GALNT10: variants seen among roughly 807,000 people sequenced by gnomAD.
GALNT10 encodes the protein GalNAc transferase 10.
GALNT10 carries 41 observed loss-of-function variants against 75.0 expected under a neutral mutation model. The ratio of observed to expected loss-of-function variants is 0.55; its 90% CI spans 0.43 to 0.71. The LOEUF is 0.71. Ranked by LOEUF, GALNT10 falls within the 30% of genes least tolerant of loss-of-function variation. GALNT10 has a pLI of 0.00. For synonymous variants in GALNT10, 302 were observed against 313.0 expected (o/e 0.96, Z 0.37); for missense variants, 727 against 818.5 (o/e 0.89, Z 1.36).
At position 154,212,860 on chromosome 5, in the gene GALNT10, C is replaced by T. The variant is rs564751752; in HGVS notation, c.159+21835C>T. ...ACAGGTGCCTGTAGTCCCAGCTACT[C>T]GGGAGGCTAAGGCAGGGGAATGGCG... On this transcript the variant is annotated intron_variant, in intron 1 of 11. Coordinates refer to ENST00000297107, the MANE Select transcript of GALNT10 (RefSeq NM_198321.4). Among the ~76,000 whole-genome samples the T allele has an allele frequency of 3.3e-5, 5 of 151,908 alleles. No homozygotes were observed. The South Asian group carries it at 8.3e-4, about 25-fold the overall frequency.
chr5:154,330,908 G>GGTGTGTGTGTGTGTGTGTGTGTGT (rs370103391), intron 4 of GALNT10, among the ~76,000 whole-genome samples: 185 of 126,024 alleles, frequency 1.5e-3, no homozygotes, highest in African/African-American at 4.2e-3. Context: ...AGACAGAGAG[G>GGTGTGTGTGTGTGTGTGTGTGTGT]GTGTGTGTGT....
chr5:154,341,344 C>G (rs1017972079), intron 4 of GALNT10, among the ~76,000 whole-genome samples: 3 of 152,154 alleles, frequency 2.0e-5, no homozygotes, highest in Admixed American at 1.3e-4. Context: ...TATAAGCAAC[C>G]AGGAATCTCA....
intron 3 of GALNT10, among the ~76,000 whole-genome samples, chr5:154,301,427 T>C (rs541320878): frequency 2.5e-4 from 38 of 152,298 alleles, no homozygotes; most frequent in South Asian, 4.1e-4. Context: ...TGATTGTATA[T>C]ATTTATGAGA....
At position 154,376,129 on chromosome 5, in the gene GALNT10, C is replaced by A; in HGVS notation, c.569-148C>A. On this transcript the variant is annotated intron_variant, in intron 4 of 11. Transcript: ENST00000297107. The surrounding 1 kb of genome is among the most constrained non-coding windows in gnomAD (Gnocchi z 4.1). ...GTACACAGGTGATGAGAACACTGCC[C>A]TTCTTCTCCCTGTCTGAAAGGTCTA... is the stretch of plus-strand genomic sequence containing the variant. 1 of 660,290 alleles carries A rather than the reference C, an allele frequency of 1.5e-6. No homozygotes were observed. The allele number at this position is 660,290 out of a possible 1,614,324, so 40.9% of individuals were successfully genotyped here.
chr5:154,239,650 C>T (rs896040268), intron 1 of GALNT10, among the ~76,000 whole-genome samples: 2 of 152,104 alleles, frequency 1.3e-5, no homozygotes, highest in African/African-American at 4.8e-5. Flanking sequence ...GGTATAAGGT[C>T]TCTGCCATTA....
At position 154,409,167 on chromosome 5, in the gene GALNT10, C is replaced by T. The variant is rs1561686191; in HGVS notation, c.1165-374C>T. Among the ~76,000 whole-genome samples the T allele has an allele frequency of 6.6e-6, 1 of 152,184 alleles. No individual in the cohort carries two copies. Among genetic ancestry groups the T allele is most frequent in the Non-Finnish European group, 1.5e-5 (1 of 68,036 alleles). On this transcript the variant is annotated intron_variant, in intron 8 of 11. Coordinates refer to ENST00000297107, the MANE Select transcript of GALNT10 (RefSeq NM_198321.4). The surrounding 1 kb of genome is among the most constrained non-coding windows in gnomAD (Gnocchi z 4.5). ...GAATGGGTCTGCTGTTTGACCAGCC[C>T]CTGCACCGGGGGCGCCTGTATTCAC...
intron 7 of GALNT10, among the ~76,000 whole-genome samples, chr5:154,394,163 C>A (rs1158006103): frequency 6.6e-6 from 1 of 152,082 alleles, no homozygotes; most frequent in East Asian, 1.9e-4. Context: ...ACACCCTCCC[C>A]TGCAGAAGTC....
Position 154,297,926 on chromosome 5 carries a change from GCT to G in GALNT10, c.263-12_263-11del. On this transcript the variant is annotated splice_polypyrimidine_tract_variant and intron_variant, in intron 2 of 11. Transcript: ENST00000297107. The stretch of plus-strand genomic sequence containing the variant: ...ATACATCATTAGCAACATCGAATTT[GCT>G]CTTTGCTTCTAGGAAATGGAGAACA... The G allele has an allele frequency of 6.2e-7, 1 of 1,610,560 alleles. No individual in the cohort carries two copies. The highest frequency in any genetic ancestry group is 8.5e-7 in the Non-Finnish European group (1 of 1,177,838).
chr5:154,326,905 A>G (rs1754764478), intron 3 of GALNT10, among the ~76,000 whole-genome samples: 1 of 152,226 alleles, frequency 6.6e-6, no homozygotes. Context: ...ATTATATCTC[A>G]ATACAAAGGA....
chr5:154,351,107 A>G (rs1226096905), intron 4 of GALNT10, among the ~76,000 whole-genome samples: 3 of 152,250 alleles, frequency 2.0e-5, no homozygotes, highest in Admixed American at 2.0e-4. Flanking sequence ...TAATAGCTAC[A>G]CTGATTGAAT....
intron 4 of GALNT10, among the ~76,000 whole-genome samples, chr5:154,340,056 G>T (rs768946656): frequency 6.6e-6 from 1 of 152,194 alleles, no homozygotes; most frequent in Non-Finnish European, 1.5e-5. Context: ...AAAAGAAATT[G>T]TGGTATTTGC....
chr5:154,247,666 T>C (rs1400139792), intron 1 of GALNT10, among the ~76,000 whole-genome samples: 9 of 152,240 alleles, frequency 5.9e-5, no homozygotes, highest in Admixed American at 5.9e-4. Context: ...TGATTTTGTA[T>C]CCTGAGACTT....
At chr5:154,218,036 C>G in intron 1 of GALNT10, 1 of 985,092 alleles carries the variant, frequency 1.0e-6, no homozygotes, top group Non-Finnish European at 1.2e-6. Context: ...CAGCTCGCTT[C>G]CCCACCCCAG....
intron 4 of GALNT10, among the ~76,000 whole-genome samples, chr5:154,341,221 C>T (rs1050113189): frequency 4.6e-5 from 7 of 152,192 alleles, no homozygotes; most frequent in African/African-American, 1.7e-4. Flanking sequence ...TCAATGTTCA[C>T]TCAGTTCCTT....
At chr5:154,259,093 G>A (rs772744789) in intron 1 of GALNT10, among the ~76,000 whole-genome samples, 2 of 152,084 alleles carry the variant, frequency 1.3e-5, no homozygotes, top group Non-Finnish European at 2.9e-5. Context: ...TTGAATATCA[G>A]CAGTTTTTCC....
intron 3 of GALNT10, among the ~76,000 whole-genome samples, chr5:154,323,430 G>A (rs998868492): frequency 4.6e-5 from 7 of 152,274 alleles, no homozygotes; most frequent in South Asian, 2.1e-4. Flanking sequence ...ACAGGCTGCC[G>A]GATTTGGCCT....
chr5:154,212,328 A>G (rs981036374), intron 1 of GALNT10, among the ~76,000 whole-genome samples: 1 of 152,240 alleles, frequency 6.6e-6, no homozygotes, highest in Non-Finnish European at 1.5e-5. Flanking sequence ...GGTAATGAAT[A>G]ATAATGATAG....
chr5:154,380,088 T>C (rs184626927), intron 5 of GALNT10, among the ~76,000 whole-genome samples: 2 of 152,320 alleles, frequency 1.3e-5, no homozygotes, highest in Non-Finnish European at 2.9e-5. Context: ...TCTTTTTCCA[T>C]AGTGGTACTG....
Position 154,404,227 on chromosome 5 carries a change from T to C in GALNT10, c.1164+16T>C. 6.5e-7 allele frequency: 1 copy of C among 1,528,486 alleles called. No homozygotes were observed. Among genetic ancestry groups the C allele is most frequent in the Non-Finnish European group, 8.9e-7 (1 of 1,120,328 alleles). 94.7% of individuals were successfully genotyped at this position (1,528,486 alleles called of 1,614,324 possible). ...CCTGGCCCGGGTAAGGTGGTGGCTT[T>C]CCTTGGCGGGTAGAAGGGGTTGGCC... On this transcript the variant is annotated intron_variant, in intron 8 of 11. Coordinates refer to ENST00000297107, the MANE Select transcript of GALNT10 (RefSeq NM_198321.4).
Sources: allele counts gnomAD v4.1 joint callset (sites outside exome capture counted in the v4.1 genomes callset), GRCh38; gene constraint gnomAD v4.1.1; non-coding constraint Gnocchi (gnomAD v3.1); transcripts MANE v1.5; gene names NCBI Gene and HGNC (gene_info 2026-07-23, HGNC 2026-07-21).